Variants in XXYLT1 observed in about 807,000 individuals in gnomAD.
XXYLT1 encodes the protein xyloside xylosyltransferase 1.
In XXYLT1, 20 loss-of-function variants were observed where a neutral mutation model predicts 28.9. That is an observed-to-expected ratio of 0.69 (90% CI 0.49 to 1.00). The LOEUF is 1.00. Among genes scored for constraint, XXYLT1 ranks in the 50% least tolerant of loss-of-function variants. XXYLT1 has a pLI of 0.00. For missense variants in XXYLT1, 542 were observed against 560.1 expected, an observed-to-expected ratio of 0.97 and a Z score of 0.33; for synonymous variants, 257 against 253.8, an observed-to-expected ratio of 1.01 and a Z score of -0.12.
intron 2 of XXYLT1, among the ~76,000 whole-genome samples, chr3:195,226,002 A>G (rs1724032588): frequency 6.6e-6 from 1 of 152,142 alleles, no homozygotes; most frequent in South Asian, 2.1e-4. Context: ...GTCTTTATGA[A>G]CAGCGTGAGA....
intron 3 of XXYLT1, among the ~76,000 whole-genome samples, chr3:195,119,499 T>G (rs1266988849): frequency 6.6e-6 from 1 of 152,042 alleles, no homozygotes; most frequent in African/African-American, 2.4e-5. Flanking sequence ...GAGCCACTTT[T>G]CCCAACAAGA....
chr3:195,075,837 T>C (rs1199091393), intron 3 of XXYLT1, among the ~76,000 whole-genome samples: 2 of 152,136 alleles, frequency 1.3e-5, no homozygotes, highest in Non-Finnish European at 2.9e-5. Context: ...TCCCCAGAAC[T>C]TGGAAGGGGC....
At chr3:195,136,447 C>G (rs904582392) in intron 3 of XXYLT1, among the ~76,000 whole-genome samples, 3 of 152,072 alleles carry the variant, frequency 2.0e-5, no homozygotes, top group African/African-American at 7.2e-5. Context: ...GGTCTAAGAA[C>G]CATCACTCCA....
At chr3:195,222,220 T>C (rs1033255942) in intron 2 of XXYLT1, among the ~76,000 whole-genome samples, 1 of 152,222 alleles carries the variant, frequency 6.6e-6, no homozygotes, top group African/African-American at 2.4e-5. Context: ...AGAATGGGCA[T>C]AAGCTCCGGA....
chr3:195,226,877 A>C, intron 1 of XXYLT1, 21 bp from the exon 2 acceptor site: 1 of 1,611,258 alleles, frequency 6.2e-7, no homozygotes, highest in Non-Finnish European at 8.5e-7. Flanking sequence ...TGCAAAAAAA[A>C]CCAAGGCTCA....
At position 195,150,854 on chromosome 3, in the gene XXYLT1, T is replaced by TCA. The variant is rs770508897; in HGVS notation, c.785+5593_785+5594dup. 1.8e-4 allele frequency among the ~76,000 whole-genome samples: 16 copies of TCA among 87,066 alleles called. No homozygotes were observed. Among genetic ancestry groups the TCA allele is most frequent in the African/African-American group, 2.7e-4 (5 of 18,222 alleles). The allele number at this position is 87,066 out of a possible 152,430, so 57.1% of individuals were successfully genotyped here. A position where few individuals can be genotyped will look rare whatever the true frequency, so the allele number is the denominator to read the frequency against. On this transcript the variant is annotated intron_variant, in intron 3 of 3. Coordinates refer to ENST00000310380, the MANE Select transcript of XXYLT1 (RefSeq NM_152531.5). The surrounding 1 kb of genome is among the most constrained non-coding windows in gnomAD (Gnocchi z 4.7). ...CATACGCACACTCTCTCACACACTC[T>TCA]CACACACACACACACTCTCTCCCTC... is the stretch of plus-strand genomic sequence containing the variant.
chr3:195,179,777 C>T (rs1185851313), intron 2 of XXYLT1, among the ~76,000 whole-genome samples: 1 of 152,014 alleles, frequency 6.6e-6, no homozygotes, highest in East Asian at 1.9e-4. Context: ...AGGTGATTTT[C>T]CAGATTCCAC....
chr3:195,256,401 C>T lies in XXYLT1; in HGVS notation c.504+14154G>A. The T allele has an allele frequency of 1.2e-6, 1 of 820,000 alleles. No individual in the cohort carries two copies. Among genetic ancestry groups the T allele is most frequent in the Non-Finnish European group, 1.5e-6 (1 of 679,118 alleles). The allele number at this position is 820,000 out of a possible 1,614,324, so 50.8% of individuals were successfully genotyped here. A position where few individuals can be genotyped will look rare whatever the true frequency, so the allele number is the denominator to read the frequency against. The stretch of plus-strand genomic sequence containing the variant: ...CTGGTCATTCCAAGTCCCTCGCCCT[C>T]ATGCTCCGCGCAGGCCTGAGGTGCG... On this transcript the variant is annotated intron_variant, in intron 1 of 3. Transcript: ENST00000310380. The surrounding 1 kb of genome is among the most constrained non-coding windows in gnomAD (Gnocchi z 4.2).
At chr3:195,214,127 G>T (rs963150158) in intron 2 of XXYLT1, among the ~76,000 whole-genome samples, 1 of 152,168 alleles carries the variant, frequency 6.6e-6, no homozygotes, top group African/African-American at 2.4e-5. Context: ...GTTTGCCTGA[G>T]GGGTAGAGAA....
chr3:195,103,788 A>G (rs1481878146), intron 3 of XXYLT1, among the ~76,000 whole-genome samples: 1 of 152,236 alleles, frequency 6.6e-6, no homozygotes, highest in East Asian at 1.9e-4. Flanking sequence ...ACCAATTCCA[A>G]GTGTGTCCTT....
intron 3 of XXYLT1, among the ~76,000 whole-genome samples, chr3:195,083,074 A>C (rs1715527329): frequency 1.3e-5 from 2 of 152,184 alleles, no homozygotes; most frequent in Non-Finnish European, 2.9e-5. Flanking sequence ...CGGAGGATGA[A>C]GTGAAGACAA....
intron 1 of XXYLT1, among the ~76,000 whole-genome samples, chr3:195,263,634 A>C (rs60627308): frequency 1.3e-5 from 2 of 152,278 alleles, no homozygotes; most frequent in South Asian, 4.1e-4. Flanking sequence ...AGCTAAATAA[A>C]TATCTTTCCT....
intron 2 of XXYLT1, among the ~76,000 whole-genome samples, chr3:195,183,020 T>C (rs1722026409): frequency 6.6e-6 from 1 of 152,212 alleles, no homozygotes; most frequent in South Asian, 2.1e-4. Context: ...CCTTGTGAGG[T>C]GCATGTTCTT....
intron 2 of XXYLT1, among the ~76,000 whole-genome samples, chr3:195,163,801 G>C (rs1001520378): frequency 6.6e-6 from 1 of 152,206 alleles, no homozygotes; most frequent in African/African-American, 2.4e-5. Flanking sequence ...TGCTATCCTA[G>C]ATCTCATTTC....
At chr3:195,163,143 G>T (rs889612142) in intron 2 of XXYLT1, among the ~76,000 whole-genome samples, 2 of 152,180 alleles carry the variant, frequency 1.3e-5, no homozygotes, top group African/African-American at 4.8e-5. Flanking sequence ...AGAAGCTGTA[G>T]AAAGCAATCC....
At chr3:195,221,333 G>A (rs1723813254) in intron 2 of XXYLT1, among the ~76,000 whole-genome samples, 1 of 152,170 alleles carries the variant, frequency 6.6e-6, no homozygotes, top group Non-Finnish European at 1.5e-5. Flanking sequence ...TGCCCTCATT[G>A]CTGGACCATG....
Position 195,157,316 on chromosome 3 carries a change from C to A in XXYLT1, c.653-735G>T, listed in dbSNP as rs969467675. Among the ~76,000 whole-genome samples, 3 of 149,992 alleles carry A rather than the reference C, an allele frequency of 2.0e-5. No homozygotes were observed. The East Asian group carries it at 5.8e-4, about 29-fold the overall frequency. On this transcript the variant is annotated intron_variant, in intron 2 of 3. Coordinates refer to ENST00000310380, the MANE Select transcript of XXYLT1 (RefSeq NM_152531.5). The stretch of plus-strand genomic sequence containing the variant: ...TCTTTGGAGCACAGGTGATAAATAA[C>A]CCACACAAGAGAGAAGTAAAAAACA...
At chr3:195,120,979 A>C (rs79580586) in intron 3 of XXYLT1, among the ~76,000 whole-genome samples, 4,925 of 152,260 alleles carry the variant, frequency 0.032, 123 homozygotes, top group Middle Eastern at 0.12. Flanking sequence ...CACAGGCAGG[A>C]GAGTGTGAGG....
rs948504091 is a variant in XXYLT1 at position 195,255,743 on chromosome 3, T to C, written c.504+14812A>G. On this transcript the variant is annotated intron_variant, in intron 1 of 3. Coordinates refer to ENST00000310380, the MANE Select transcript of XXYLT1 (RefSeq NM_152531.5). This position sits in a 1 kb window ranked among gnomAD's most constrained non-coding sequence, Gnocchi z 4.5. ...CAGTCTCCCTTGTCCACTGAGCAGC[T>C]GTGTGGCCCTGAGCAAGTTGCTTGG... Among the ~76,000 whole-genome samples, 5 of 152,280 alleles carry C rather than the reference T, an allele frequency of 3.3e-5. No individual in the cohort carries two copies. The highest frequency in any genetic ancestry group is 9.6e-5 in the African/African-American group (4 of 41,560).
Sources: allele counts gnomAD v4.1 joint callset (sites outside exome capture counted in the v4.1 genomes callset), GRCh38; gene constraint gnomAD v4.1.1; non-coding constraint Gnocchi (gnomAD v3.1); transcripts MANE v1.5; gene names NCBI Gene and HGNC (gene_info 2026-07-23, HGNC 2026-07-21).